ZNF277: variants seen among roughly 807,000 people sequenced by gnomAD.
The protein encoded by ZNF277 is nuclear receptor-interacting factor 4.
ZNF277 carries 55 observed loss-of-function variants against 60.7 expected under a neutral mutation model. The ratio of observed to expected loss-of-function variants is 0.91; its 90% CI spans 0.73 to 1.13. The LOEUF (loss-of-function observed/expected upper bound fraction) is 1.13, where lower values mean the gene tolerates loss of function less well. ZNF277 is among the 50% of genes most tolerant of loss of function. The pLI is 0.00. For missense variants in ZNF277, 510 were observed against 523.0 expected (o/e 0.98, Z 0.24); for synonymous variants, 178 against 179.3 (o/e 0.99, Z 0.06).
intron 5 of ZNF277, among the ~76,000 whole-genome samples, chr7:112,322,053 C>T (rs1409644801): frequency 2.0e-5 from 3 of 152,042 alleles, no homozygotes; most frequent in South Asian, 2.1e-4. Context: ...AAATAAACAG[C>T]TACAGAGATC....
At chr7:112,276,527 A>G (rs887665677) in intron 1 of ZNF277, among the ~76,000 whole-genome samples, 1 of 152,172 alleles carries the variant, frequency 6.6e-6, no homozygotes, top group South Asian at 2.1e-4. Flanking sequence ...ATGTGGAAAA[A>G]TTTGTTGCCT....
chr7:112,276,211 G>A (rs1256992562), intron 1 of ZNF277, among the ~76,000 whole-genome samples: 1 of 152,186 alleles, frequency 6.6e-6, no homozygotes, highest in African/African-American at 2.4e-5. Context: ...TCTGATGGAT[G>A]GATGGATAGT....
chr7:112,334,249 C>T (rs1279842799), intron 7 of ZNF277, among the ~76,000 whole-genome samples: 1 of 151,998 alleles, frequency 6.6e-6, no homozygotes, highest in Non-Finnish European at 1.5e-5. Context: ...TTTTTCCACC[C>T]TCTCATTATT....
intron 1 of ZNF277, among the ~76,000 whole-genome samples, chr7:112,286,182 GA>G (rs1012137753): frequency 1.3e-5 from 2 of 152,136 alleles, no homozygotes; most frequent in African/African-American, 4.8e-5. Flanking sequence ...ATATAGCCAG[GA>G]AAAATGTTTA....
chr7:112,208,032 G>A (rs1266071174), intron 1 of ZNF277, among the ~76,000 whole-genome samples: 3 of 152,114 alleles, frequency 2.0e-5, no homozygotes, highest in East Asian at 1.9e-4. Flanking sequence ...AAGTTCCAGA[G>A]GGCTACCAGT....
intron 5 of ZNF277, 72 bp downstream of exon 5, chr7:112,318,345 G>A: frequency 7.3e-7 from 1 of 1,365,088 alleles, no homozygotes; most frequent in South Asian, 1.2e-5. Context: ...CTAACTGTTG[G>A]TTATATAAAT....
chr7:112,285,735 A>G (rs967822468), intron 1 of ZNF277, among the ~76,000 whole-genome samples: 8 of 151,912 alleles, frequency 5.3e-5, no homozygotes, highest in Admixed American at 3.3e-4. Context: ...CACTTACATA[A>G]TTCTCAAGCC....
At chr7:112,312,508 A>G (rs568322302) in intron 4 of ZNF277, among the ~76,000 whole-genome samples, 11 of 152,154 alleles carry the variant, frequency 7.2e-5, no homozygotes, top group Non-Finnish European at 1.5e-4. Context: ...TAGGAGAGGC[A>G]TGCTGAAGTA....
chr7:112,222,296 C>A (rs1404769758), intron 1 of ZNF277, among the ~76,000 whole-genome samples: 1 of 152,182 alleles, frequency 6.6e-6, no homozygotes, highest in Non-Finnish European at 1.5e-5. Context: ...TAGAATTCAG[C>A]GGTGACATCG....
At chr7:112,233,826 ACC>A (rs1228517190) in intron 1 of ZNF277, among the ~76,000 whole-genome samples, 1 of 152,104 alleles carries the variant, frequency 6.6e-6, no homozygotes, top group Non-Finnish European at 1.5e-5. Context: ...TTATTAATAC[ACC>A]TTTTCTAGTT....
intron 1 of ZNF277, among the ~76,000 whole-genome samples, chr7:112,213,932 G>A (rs972490344): frequency 6.6e-6 from 1 of 152,136 alleles, no homozygotes; most frequent in Non-Finnish European, 1.5e-5. Context: ...GAAATGATTA[G>A]GTGAGATGAT....
chr7:112,276,200 A>G (rs968085097), intron 1 of ZNF277, among the ~76,000 whole-genome samples: 4 of 152,224 alleles, frequency 2.6e-5, no homozygotes, highest in Admixed American at 2.0e-4. Context: ...TCGTGGGGGA[A>G]TCTGATGGAT....
At chr7:112,260,643 G>A (rs953140967) in intron 1 of ZNF277, among the ~76,000 whole-genome samples, 5 of 152,080 alleles carry the variant, frequency 3.3e-5, no homozygotes, top group African/African-American at 7.2e-5. Flanking sequence ...GTTATTTCTA[G>A]GAAGCGATAA....
At chr7:112,231,396 G>A (rs1301796805) in intron 1 of ZNF277, among the ~76,000 whole-genome samples, 1 of 152,136 alleles carries the variant, frequency 6.6e-6, no homozygotes, top group African/African-American at 2.4e-5. Flanking sequence ...CATATCTACT[G>A]CAAATCCTTT....
At chr7:112,260,446 T>C (rs574444125) in intron 1 of ZNF277, among the ~76,000 whole-genome samples, 2 of 152,350 alleles carry the variant, frequency 1.3e-5, no homozygotes, top group South Asian at 4.1e-4. Flanking sequence ...TATTTTTTCA[T>C]TTAGCAATAT....
intron 1 of ZNF277, among the ~76,000 whole-genome samples, chr7:112,223,694 G>A (rs376985663): frequency 1.2e-4 from 19 of 152,242 alleles, no homozygotes; most frequent in South Asian, 6.2e-4. Context: ...TTTTGTCCAG[G>A]GATGGCTGCA....
At chr7:112,230,278 G>A (rs770254261) in intron 1 of ZNF277, among the ~76,000 whole-genome samples, 1 of 152,184 alleles carries the variant, frequency 6.6e-6, no homozygotes, top group Admixed American at 6.5e-5. Context: ...AACAGCCTGT[G>A]GCCGTACTAA....
chr7:112,241,787 A>G (rs1790960863), intron 1 of ZNF277, among the ~76,000 whole-genome samples: 1 of 152,128 alleles, frequency 6.6e-6, no homozygotes, highest in Non-Finnish European at 1.5e-5. Context: ...TCATTTGTGG[A>G]AGCTAAAAAT....
intron 1 of ZNF277, among the ~76,000 whole-genome samples, chr7:112,212,441 T>C (rs1821776455): frequency 6.6e-6 from 1 of 152,268 alleles, no homozygotes; most frequent in Non-Finnish European, 1.5e-5. Flanking sequence ...TTATATGTGC[T>C]GCCACATTTA....
Sources: gnomAD v4.1 joint callset for allele counts (sites outside exome capture counted in the v4.1 genomes callset) on GRCh38, gnomAD v4.1.1 for gene constraint, MANE v1.5 for transcripts, NCBI Gene and HGNC (gene_info 2026-07-23, HGNC 2026-07-21) for gene names.